LRP2: variants seen among roughly 807,000 people sequenced by gnomAD.
LRP2 encodes the protein low-density lipoprotein receptor-related protein 2.
Under a neutral mutation model 531.0 loss-of-function variants are expected in LRP2, and 172 were observed. The ratio of observed to expected loss-of-function variants is 0.32; its 90% confidence interval spans 0.29 to 0.37. LRP2 has a LOEUF of 0.37. Ranked by LOEUF, LRP2 falls within the 10% of genes least tolerant of loss-of-function variation. The pLI is 1.00. For synonymous variants in LRP2, 1,992 were observed against 2,027.6 expected (o/e 0.98, Z 0.47); for missense variants, 5,167 against 5,868.3 (o/e 0.88, Z 3.90).
Position 169,188,210 on chromosome 2 carries a change from G to C in LRP2, c.9088C>G (p.Gln3030Glu). The change falls in exon 49 of 79, where the codon CAG becomes GAG. Residue 3030 changes from glutamine to glutamate, a missense_variant. This residue lies in a region of LRP2 where 1,129 missense variants were observed against 1,362.7 expected (regional missense o/e 0.83). Coordinates refer to ENST00000649046, the MANE Select transcript of LRP2 (RefSeq NM_004525.3). Reference protein sequence around the residue: ...DYSDERGCLYQTCQQNQFTCQ... With the variant: ...DYSDERGCLYETCQQNQFTCQ... Reference sequence around the variant, plus strand: ...GTAAACTGATTCTGTTGGCAAGTCTGGTATAAGCAGCCCCTCTCGTCGCTA... The same window carrying C: ...GTAAACTGATTCTGTTGGCAAGTCTCGTATAAGCAGCCCCTCTCGTCGCTA... 6.2e-7 allele frequency: 1 copy of C among 1,614,106 alleles called. No individual in the cohort carries two copies. The highest frequency in any genetic ancestry group is 1.1e-5 in the South Asian group (1 of 91,072).
At chr2:169,330,436 A>G (rs139025262) in intron 1 of LRP2, among the ~76,000 whole-genome samples, 192 of 152,294 alleles carry the variant, frequency 1.3e-3, no homozygotes, top group Admixed American at 2.5e-3. Context: ...ACCCTTCTCC[A>G]TTTCCATTTA....
rs570757034 is a variant in LRP2, at chr2:169,140,628, G to T, written c.13109-83C>A. 32 of 1,011,134 alleles carry T rather than the reference G, an allele frequency of 3.2e-5. No homozygotes were observed. The East Asian group carries it at 7.6e-4, about 24-fold the overall frequency. 62.6% of individuals were successfully genotyped at this position (1,011,134 alleles called of 1,614,324 possible). On this transcript the variant is annotated intron_variant, in intron 71 of 78. Coordinates refer to ENST00000649046, the MANE Select transcript of LRP2 (RefSeq NM_004525.3). The stretch of plus-strand genomic sequence containing the variant: ...ACCATGCAAACCGGCCCAGGTTAGG[G>T]GTGGGAGGAGGGGCAGGCCAGCCAA...
intron 1 of LRP2, among the ~76,000 whole-genome samples, chr2:169,341,173 A>G (rs1021317869): frequency 3.9e-5 from 6 of 152,264 alleles, no homozygotes; most frequent in Non-Finnish European, 7.4e-5. Context: ...GGGACGCCTC[A>G]CAGAGGAAAC....
chr2:169,336,980 G>A (rs538796810), intron 1 of LRP2, among the ~76,000 whole-genome samples: 1 of 152,270 alleles, frequency 6.6e-6, no homozygotes, highest in South Asian at 2.1e-4. Flanking sequence ...TTAAAAGGCT[G>A]TTCTGATAGT....
intron 60 of LRP2, 96 bp downstream of exon 60, chr2:169,169,606 G>T: frequency 1.1e-6 from 1 of 893,286 alleles, no homozygotes; most frequent in Non-Finnish European, 1.9e-6. Context: ...CAATACTTAT[G>T]GCCTTTTAAT....
In LRP2 at chr2:169,233,564, T is replaced by C; in HGVS notation, c.4945A>G (p.Thr1649Ala). Residue 1649 changes from threonine to alanine, a missense_variant, in exon 30 of 79, where the codon ACT (threonine) becomes GCT (alanine). Physicochemically the swap from Thr to Ala is moderately conservative, Grantham distance 58. Transcript: ENST00000649046. Reference protein sequence around the residue: ...DLIIRHPYALTLFEDSVYWTD... With the variant: ...DLIIRHPYALALFEDSVYWTD... ...CAGTACACAGAGTCTTCAAAGAGAG[T>C]TAGGGCATAGGGGTGCCGTATAATC... is the stretch of plus-strand genomic sequence containing the variant. 1 of 1,613,964 alleles carries C rather than the reference T, an allele frequency of 6.2e-7. No homozygotes were observed. Among genetic ancestry groups the C allele is most frequent in the South Asian group, 1.1e-5 (1 of 91,068 alleles).
At chr2:169,343,035 A>T (rs539893741) in intron 1 of LRP2, among the ~76,000 whole-genome samples, 2 of 152,260 alleles carry the variant, frequency 1.3e-5, no homozygotes, top group African/African-American at 4.8e-5. Context: ...CCCTGGGCAA[A>T]TCCTTCTCCT....
At chr2:169,148,303 G>C (rs1470417579) in intron 68 of LRP2, among the ~76,000 whole-genome samples, 3 of 152,276 alleles carry the variant, frequency 2.0e-5, no homozygotes, top group Middle Eastern at 3.4e-3. Context: ...CAGGTACTGA[G>C]GGCAGGAAAA....
chr2:169,179,472 A>G (rs1327806992), intron 52 of LRP2, among the ~76,000 whole-genome samples: 1 of 152,112 alleles, frequency 6.6e-6, no homozygotes, highest in Non-Finnish European at 1.5e-5. Context: ...TGTAATCCCA[A>G]CACTTAGGGA....
chr2:169,274,753 C>T (rs1226625904), intron 14 of LRP2, among the ~76,000 whole-genome samples: 1 of 152,106 alleles, frequency 6.6e-6, no homozygotes, highest in Non-Finnish European at 1.5e-5. Flanking sequence ...TTGTGAGCTG[C>T]TATACCCCCA....
intron 70 of LRP2, among the ~76,000 whole-genome samples, chr2:169,144,601 A>G (rs67720262): frequency 1.3e-5 from 2 of 152,110 alleles, no homozygotes; most frequent in Non-Finnish European, 2.9e-5. Flanking sequence ...CCGCAAGGGC[A>G]CTTAGGACAC....
At chr2:169,193,650 T>C (rs1687906154) in intron 47 of LRP2, 111 bp downstream of exon 47, 1 of 1,296,382 alleles carries the variant, frequency 7.7e-7, no homozygotes, top group Non-Finnish European at 1.1e-6. Flanking sequence ...TCTATCAGTG[T>C]CCATTCAATT....
chr2:169,158,575 T>C (rs576882344), intron 63 of LRP2, among the ~76,000 whole-genome samples: 42 of 151,936 alleles, frequency 2.8e-4, no homozygotes, highest in Non-Finnish European at 4.7e-4. Flanking sequence ...GTTATGATTA[T>C]CTACATGATG....
chr2:169,247,932 C>G (rs1690076874), intron 19 of LRP2, among the ~76,000 whole-genome samples: 2 of 152,214 alleles, frequency 1.3e-5, no homozygotes, highest in African/African-American at 4.8e-5. Context: ...CAGTCTGAAT[C>G]ATTCCTGAGA....
At chr2:169,166,328 A>G (rs1409570087) in intron 61 of LRP2, among the ~76,000 whole-genome samples, 1 of 152,212 alleles carries the variant, frequency 6.6e-6, no homozygotes, top group Non-Finnish European at 1.5e-5. Context: ...TAACCATTCA[A>G]TTACAACTAT....
At chr2:169,159,396 G>A (rs1686489502) in intron 63 of LRP2, among the ~76,000 whole-genome samples, 1 of 151,964 alleles carries the variant, frequency 6.6e-6, no homozygotes, top group Non-Finnish European at 1.5e-5. Context: ...AAGAACACTG[G>A]GTTTCAAAAA....
intron 8 of LRP2, among the ~76,000 whole-genome samples, chr2:169,289,977 T>A (rs569730573): frequency 4.4e-4 from 67 of 152,288 alleles, no homozygotes; most frequent in African/African-American, 1.5e-3. Context: ...TGCAGTTACA[T>A]GGGCACTTCT....
At chr2:169,342,108 C>A (rs1371638349) in intron 1 of LRP2, among the ~76,000 whole-genome samples, 1 of 151,242 alleles carries the variant, frequency 6.6e-6, no homozygotes, top group African/African-American at 2.4e-5. Context: ...GGAGATGAAC[C>A]AACTAGGAAT....
intron 25 of LRP2, 197 bp downstream of exon 25, chr2:169,240,791 C>T: frequency 2.9e-6 from 2 of 683,300 alleles, no homozygotes; most frequent in African/African-American, 1.8e-5. Flanking sequence ...TAACCAAGTA[C>T]AAAGGATTTA....
Sources: allele counts gnomAD v4.1 joint callset (sites outside exome capture counted in the v4.1 genomes callset), GRCh38; gene constraint gnomAD v4.1.1; regional missense constraint gnomAD v4.1.1; transcripts MANE v1.5; gene names NCBI Gene and HGNC (gene_info 2026-07-23, HGNC 2026-07-21).